ROCK2: variants seen among roughly 807,000 people sequenced by gnomAD.
The protein encoded by ROCK2 is rho-associated protein kinase 2.
ROCK2 carries 61 observed loss-of-function variants against 195.1 expected under a neutral mutation model. The observed-to-expected ratio is 0.31, with a 90% CI of 0.25 to 0.39. The LOEUF is 0.39. Among genes scored for constraint, ROCK2 ranks in the 10% least tolerant of loss-of-function variants. ROCK2 has a pLI of 1.00. For synonymous variants in ROCK2, 504 were observed against 545.5 expected (o/e 0.92, Z 1.06); for missense variants, 1,109 against 1,637.4 (o/e 0.68, Z 5.57).
At chr2:11,339,474 TA>T (rs1669036286) in intron 1 of ROCK2, among the ~76,000 whole-genome samples, 1 of 149,666 alleles carries the variant, frequency 6.7e-6, no homozygotes, top group African/African-American at 2.5e-5. Flanking sequence ...TACCCTAATC[TA>T]CAGGAATTAT....
In ROCK2 at chr2:11,214,420, G is replaced by C. The variant is rs765183859; in HGVS notation, c.1980C>G (p.Ile660Met). 1 of 1,611,068 alleles carries C rather than the reference G, an allele frequency of 6.2e-7. No individual in the cohort carries two copies. Among genetic ancestry groups the C allele is most frequent in the South Asian group, 1.1e-5 (1 of 90,722 alleles). ...GLEEDLKNGKILLAKVELEKR... is the reference protein window; with the variant it reads ...GLEEDLKNGKMLLAKVELEKR... ...TCTCCAGTTCTACTTTCGCTAGTAA[G>C]ATTTTGCCGTTCTTTAAATCTTCTT... The change falls in exon 17 of 33, where the codon ATC (isoleucine) becomes ATG (methionine). Residue 660 changes from isoleucine (I) to methionine (M), a missense_variant. This residue lies in a region of ROCK2 where 542 missense variants were observed against 672.0 expected (regional missense o/e 0.81). Coordinates refer to ENST00000315872, the MANE Select transcript of ROCK2 (RefSeq NM_004850.5).
At chr2:11,328,065 G>A (rs1361758314) in intron 1 of ROCK2, among the ~76,000 whole-genome samples, 2 of 152,054 alleles carry the variant, frequency 1.3e-5, no homozygotes, top group Non-Finnish European at 2.9e-5. Context: ...CCCTGGTCCT[G>A]CTCACTCTCT....
intron 3 of ROCK2, among the ~76,000 whole-genome samples, chr2:11,271,782 C>A: frequency 6.6e-6 from 1 of 152,210 alleles, no homozygotes; most frequent in Non-Finnish European, 1.5e-5. Context: ...AATCCCAGCA[C>A]TTTGGGAGGC....
chr2:11,300,118 A>T (rs1331325619), intron 1 of ROCK2, among the ~76,000 whole-genome samples: 1 of 152,230 alleles, frequency 6.6e-6, no homozygotes, highest in Non-Finnish European at 1.5e-5. Context: ...ACTAATAGGT[A>T]AATCTACAGT....
chr2:11,249,528 A>G, intron 4 of ROCK2, 133 bp downstream of exon 4: 2 of 643,250 alleles, frequency 3.1e-6, no homozygotes. Context: ...AATGTTTTGA[A>G]TCAAATCTCC....
intron 32 of ROCK2, among the ~76,000 whole-genome samples, chr2:11,185,955 C>T (rs964311818): frequency 1.3e-5 from 2 of 152,006 alleles, no homozygotes; most frequent in Non-Finnish European, 2.9e-5. Flanking sequence ...TATAAGGCCT[C>T]ATTCCAAGAG....
rs183184746 is a variant in ROCK2, at chr2:11,299,688, A to C, written c.142-11952T>G. ...CGAAAGAACACAGCAAGAAGAAAAT[A>C]GTTGTTGATGGTTGTTTTAAAGGAC... On this transcript the variant is annotated intron_variant, in intron 1 of 32. Coordinates refer to ENST00000315872, the MANE Select transcript of ROCK2 (RefSeq NM_004850.5). Among the ~76,000 whole-genome samples, 173 of 152,326 alleles carry C rather than the reference A, an allele frequency of 1.1e-3. 3 individuals carry two copies. Among genetic ancestry groups the C allele is most frequent in the Non-Finnish European group, 4.4e-5 (3 of 68,038 alleles).
chr2:11,271,437 T>C (rs906469029), intron 3 of ROCK2, among the ~76,000 whole-genome samples: 3 of 152,238 alleles, frequency 2.0e-5, no homozygotes, highest in Admixed American at 6.5e-5. Flanking sequence ...CTGGTTCTCG[T>C]GGCAATTTCT....
intron 3 of ROCK2, among the ~76,000 whole-genome samples, chr2:11,274,297 A>T (rs1036891656): frequency 6.6e-6 from 1 of 152,162 alleles, no homozygotes; most frequent in Non-Finnish European, 1.5e-5. Context: ...CAACAACAAC[A>T]ACAACAACAA....
chr2:11,308,407 G>A (rs1386073094), intron 1 of ROCK2: 2 of 1,597,834 alleles, frequency 1.3e-6, no homozygotes, highest in African/African-American at 1.3e-5. Flanking sequence ...AAGAGAATTT[G>A]GAATCTGAAG....
Position 11,287,728 on chromosome 2 carries a change from T to C in ROCK2, c.150A>G (p.Leu50=). ...PINVESLLDG[L]NSLVLDLDFP... is the part of the protein sequence containing the mutation. ...AATCTAAATCAAGGACCAAGGAATT[T>C]AAGCCATCCTGTTAAGAAATAAAAA... Residue 50 remains leucine, a synonymous_variant, in exon 2 of 33, where the codon TTA becomes TTG. Coordinates refer to ENST00000315872, the MANE Select transcript of ROCK2 (RefSeq NM_004850.5). 7.7e-7 allele frequency: 1 copy of C among 1,294,978 alleles called. No homozygotes were observed. The highest frequency in any genetic ancestry group is 1.5e-5 in the African/African-American group (1 of 66,790). 80.2% of individuals were successfully genotyped at this position (1,294,978 alleles called of 1,614,324 possible). A position where few individuals can be genotyped will look rare whatever the true frequency, so the allele number is the denominator to read the frequency against.
intron 3 of ROCK2, among the ~76,000 whole-genome samples, chr2:11,254,482 G>T (rs1253976448): frequency 1.3e-5 from 2 of 152,112 alleles, no homozygotes; most frequent in African/African-American, 4.8e-5. Context: ...GCTAAAGGCT[G>T]GGCTACCCAG....
At chr2:11,186,910 C>T (rs749695928) in intron 32 of ROCK2, among the ~76,000 whole-genome samples, 1 of 152,292 alleles carries the variant, frequency 6.6e-6, no homozygotes, top group East Asian at 1.9e-4. Flanking sequence ...TTTCCCCAAG[C>T]GCTCTGTTCA....
chr2:11,249,051 A>G (rs1665734357), intron 4 of ROCK2, among the ~76,000 whole-genome samples: 1 of 151,818 alleles, frequency 6.6e-6, no homozygotes. Context: ...GTGTGCCACT[A>G]TGCCCGGCTA....
Position 11,208,344 on chromosome 2 carries a change from T to C in ROCK2, c.2307A>G (p.Lys769=). Residue 769 remains lysine (K), a synonymous_variant, in exon 19 of 33, where the codon AAA becomes AAG. Transcript: ENST00000315872. ...KRCSLLDCDL[K]QSQQKINELL... ...GCTCATTTATTTTCTGCTGTGACTG[T>C]TTGAGGTCACAGTCTAATAGAGAAC... The C allele has an allele frequency of 6.6e-7, 1 of 1,519,744 alleles. No individual in the cohort carries two copies. Among genetic ancestry groups the C allele is most frequent in the Non-Finnish European group, 8.9e-7 (1 of 1,122,636 alleles). The allele number at this position is 1,519,744 out of a possible 1,614,324, so 94.1% of individuals were successfully genotyped here.
Position 11,201,290 on chromosome 2 carries a change from GAC to G in ROCK2, c.2723+18_2723+19del. On this transcript the variant is annotated intron_variant, in intron 22 of 32. Transcript: ENST00000315872. The surrounding 1 kb of genome is among the most constrained non-coding windows in gnomAD (Gnocchi z 4.6). ...AAGTATACAGCTATGAACAAAAAGA[GAC>G]AAGGGTCTCATACTTACCGTTCATC... The G allele has an allele frequency of 6.4e-7, 1 of 1,560,402 alleles. No homozygotes were observed. The highest frequency in any genetic ancestry group is 8.8e-7 in the Non-Finnish European group (1 of 1,132,214).
chr2:11,321,934 C>A (rs1668412306), intron 1 of ROCK2, among the ~76,000 whole-genome samples: 1 of 152,062 alleles, frequency 6.6e-6, no homozygotes, highest in South Asian at 2.1e-4. Context: ...AAAATAGGGC[C>A]TTTAAAGAGA....
At chr2:11,238,950 T>A (rs1287455570) in intron 4 of ROCK2, among the ~76,000 whole-genome samples, 2 of 151,604 alleles carry the variant, frequency 1.3e-5, no homozygotes, top group African/African-American at 4.9e-5. Flanking sequence ...TTGACAAAGG[T>A]GCCAGGGCAA....
intron 30 of ROCK2, among the ~76,000 whole-genome samples, chr2:11,193,535 T>C (rs1314086583): frequency 6.6e-6 from 1 of 151,844 alleles, no homozygotes; most frequent in Non-Finnish European, 1.5e-5. Flanking sequence ...ACCAGAAACA[T>C]GATACAAACA....
Sources: gnomAD v4.1 joint callset for allele counts (sites outside exome capture counted in the v4.1 genomes callset) on GRCh38, gnomAD v4.1.1 for gene constraint, gnomAD v4.1.1 regional missense constraint, Gnocchi (gnomAD v3.1) non-coding constraint, MANE v1.5 for transcripts, NCBI Gene and HGNC (gene_info 2026-07-23, HGNC 2026-07-21) for gene names.